The following RBFOX2 variants were observed in gnomAD, a reference collection of about 807,000 sequenced individuals.
The protein encoded by RBFOX2 is RNA binding fox-1 homolog 2.
In RBFOX2, 10 loss-of-function variants were observed where a neutral mutation model predicts 49.1. That is an observed-to-expected ratio of 0.20 (90% CI 0.13 to 0.35). The LOEUF is 0.35. Among genes scored for constraint, RBFOX2 ranks in the 10% least tolerant of loss-of-function variants. The probability of loss-of-function intolerance (pLI) is 1.00; values close to 1 mark genes in which losing one functional copy is unlikely to be tolerated. For synonymous variants in RBFOX2, 183 were observed against 187.4 expected (o/e 0.98, Z 0.19); for missense variants, 323 against 486.9 (o/e 0.66, Z 3.17).
Position 35,831,350 on chromosome 22 carries a change from G to A in RBFOX2, c.27+8842C>T, listed in dbSNP as rs150159355. ...TGGGAGGCTGAGGCAGGAGAATGGC[G>A]TGAACCCAGGAGGCAGAGCTGGCAG... On this transcript the variant is annotated intron_variant, in intron 1 of 11. Transcript: ENST00000405409. 1.9e-3 allele frequency among the ~76,000 whole-genome samples: 291 copies of A among 152,116 alleles called. 6 individuals carry two copies. In the East Asian group the frequency reaches 0.043, roughly 22 times the overall value.
chr22:35,802,515 A>G (rs573543381), intron 2 of RBFOX2, among the ~76,000 whole-genome samples: 2 of 152,324 alleles, frequency 1.3e-5, no homozygotes, highest in South Asian at 4.1e-4. Flanking sequence ...CACAAACTTA[A>G]TGCCTTAAAA....
At chr22:35,950,524 T>C (rs1050708493) in intron 1 of RBFOX2, among the ~76,000 whole-genome samples, 20 of 152,194 alleles carry the variant, frequency 1.3e-4, no homozygotes, top group Admixed American at 7.9e-4. Context: ...CATGTTGTCA[T>C]ATGGCAGCAA....
chr22:35,931,476 G>A (rs1427961582), intron 1 of RBFOX2, among the ~76,000 whole-genome samples: 1 of 152,042 alleles, frequency 6.6e-6, no homozygotes, highest in Non-Finnish European at 1.5e-5. Flanking sequence ...ACTGCTAAAA[G>A]GTATGGGGTT....
In RBFOX2 at chr22:36,024,251, G is replaced by A. The variant is rs571394842; in HGVS notation, c.186+3989C>T. On this transcript the variant is annotated intron_variant, in intron 1 of 13. Transcript: ENST00000438146. ...CCCAAAACTGTTAGGTATTACGAAG[G>A]ATAAATACAAAGGAAATATAGTTCC... 2.6e-5 allele frequency among the ~76,000 whole-genome samples: 4 copies of A among 152,212 alleles called. No homozygotes were observed. The South Asian group carries it at 8.3e-4, about 32-fold the overall frequency.
upstream of RBFOX2, among the ~76,000 whole-genome samples, chr22:35,844,665 T>G (rs2040946668): frequency 1.3e-5 from 2 of 151,318 alleles, no homozygotes; most frequent in African/African-American, 4.9e-5. Context: ...CGGCAGTTTT[T>G]TTTTTTTTTT....
chr22:35,954,134 G>A (rs1268723652), intron 1 of RBFOX2, among the ~76,000 whole-genome samples: 2 of 151,916 alleles, frequency 1.3e-5, no homozygotes, highest in Non-Finnish European at 2.9e-5. Context: ...ATATGTCTTG[G>A]TGTTAAATTT....
At chr22:35,992,901 T>C (rs1199922422) in intron 1 of RBFOX2, 1 of 152,146 alleles carries the variant, frequency 6.6e-6, no homozygotes, top group East Asian at 1.9e-4. Flanking sequence ...TCCCTTTCCC[T>C]ACTTGGAGGC....
At chr22:35,890,623 T>C (rs1239428739) in intron 1 of RBFOX2, among the ~76,000 whole-genome samples, 1 of 152,136 alleles carries the variant, frequency 6.6e-6, no homozygotes, top group Non-Finnish European at 1.5e-5. Context: ...AATTGTGGTA[T>C]AGCAAGTTTT....
intron 1 of RBFOX2, among the ~76,000 whole-genome samples, chr22:36,020,324 G>A (rs1396755111): frequency 6.6e-6 from 1 of 152,140 alleles, no homozygotes. Flanking sequence ...ATACCATTCA[G>A]GACATAGGCA....
chr22:35,831,246 A>G (rs1956740945), intron 1 of RBFOX2, among the ~76,000 whole-genome samples: 1 of 152,176 alleles, frequency 6.6e-6, no homozygotes, highest in African/African-American at 2.4e-5. Flanking sequence ...GATCGAGACC[A>G]TCCTGGCTAA....
At chr22:36,016,915 T>C (rs2059057391) in intron 1 of RBFOX2, among the ~76,000 whole-genome samples, 1 of 152,178 alleles carries the variant, frequency 6.6e-6, no homozygotes, top group Admixed American at 6.5e-5. Flanking sequence ...CTTCTCAGAA[T>C]TCTCTTTATT....
chr22:35,923,708 C>A (rs1388715240), intron 1 of RBFOX2, among the ~76,000 whole-genome samples: 1 of 151,996 alleles, frequency 6.6e-6, no homozygotes, highest in Admixed American at 6.5e-5. Flanking sequence ...AGATTAAAAC[C>A]CTTCCCCCCC....
At chr22:35,742,263 T>C (rs1439305629) in exon 12 of RBFOX2, 1 of 152,268 alleles carries the variant, frequency 6.6e-6, no homozygotes, top group Non-Finnish European at 1.5e-5. Context: ...GCCTCTAGCT[T>C]CCTTGACATC....
intron 1 of RBFOX2, among the ~76,000 whole-genome samples, chr22:35,947,709 T>C (rs1267920715): frequency 8.7e-6 from 1 of 114,380 alleles, no homozygotes; most frequent in Admixed American, 8.2e-5. Flanking sequence ...AAATTAAAAA[T>C]CTTAAAAAAA....
intron 2 of RBFOX2, among the ~76,000 whole-genome samples, chr22:35,805,140 A>T (rs1186761597): frequency 6.6e-6 from 1 of 151,862 alleles, no homozygotes; most frequent in Admixed American, 6.6e-5. Flanking sequence ...AACACAAAAA[A>T]TTAGCCGGGC....
chr22:35,935,905 G>A (rs1234867146), intron 1 of RBFOX2, among the ~76,000 whole-genome samples: 2 of 152,176 alleles, frequency 1.3e-5, no homozygotes, highest in African/African-American at 2.4e-5. Flanking sequence ...CAAAAGGGGT[G>A]TTTGGGAGAA....
At chr22:35,786,006 T>C (rs925250339) in intron 2 of RBFOX2, among the ~76,000 whole-genome samples, 11 of 152,168 alleles carry the variant, frequency 7.2e-5, no homozygotes, top group Middle Eastern at 3.2e-3. Context: ...CAATCAAACT[T>C]TAAAACCACC....
At chr22:35,945,962 T>C (rs1229705993) in intron 1 of RBFOX2, among the ~76,000 whole-genome samples, 1 of 152,202 alleles carries the variant, frequency 6.6e-6, no homozygotes, top group Admixed American at 6.5e-5. Context: ...CAGTTATTTG[T>C]TACATTCACT....
chr22:35,750,280 A>G (rs1374338572), intron 9 of RBFOX2: 1 of 565,260 alleles, frequency 1.8e-6, no homozygotes, highest in Admixed American at 3.0e-5. Flanking sequence ...CAAACAAACA[A>G]AAAAAGAGGA....
Sources: allele counts gnomAD v4.1 joint callset (sites outside exome capture counted in the v4.1 genomes callset), GRCh38; gene constraint gnomAD v4.1.1; transcripts MANE v1.5; gene names NCBI Gene and HGNC (gene_info 2026-07-23, HGNC 2026-07-21).